CACNA2D4: variants seen among roughly 807,000 people sequenced by gnomAD.
The protein encoded by CACNA2D4 is voltage-dependent calcium channel subunit alpha-2/delta-4.
In CACNA2D4, 157 loss-of-function variants were observed where a neutral mutation model predicts 163.8. The ratio of observed to expected loss-of-function variants is 0.96; its 90% CI spans 0.84 to 1.09. CACNA2D4 has a LOEUF of 1.09. CACNA2D4 is among the 50% of genes least tolerant of loss of function. The pLI is 0.00. For synonymous variants in CACNA2D4, 598 were observed against 586.9 expected, an observed-to-expected ratio of 1.02 and a Z score of -0.27; for missense variants, 1,410 against 1,479.9, an observed-to-expected ratio of 0.95 and a Z score of 0.78.
intron 35 of CACNA2D4, among the ~76,000 whole-genome samples, chr12:1,796,459 A>G (rs1272780604): frequency 2.0e-5 from 3 of 152,232 alleles, no homozygotes; most frequent in Admixed American, 6.5e-5. Flanking sequence ...TCACTTGCCC[A>G]CGGTCATAAG....
Position 1,907,339 on chromosome 12 carries a change from C to T in CACNA2D4, c.781+101G>A, listed in dbSNP as rs1866683186. On this transcript the variant is annotated intron_variant, in intron 6 of 37. Coordinates refer to ENST00000382722, the MANE Select transcript of CACNA2D4 (RefSeq NM_172364.5). ...TGCTTTGGGATAGGAGGACCAGCCC[C>T]ATTCACTGGGGACCTGAGTGCCAGG... 1.1e-5 allele frequency: 13 copies of T among 1,135,944 alleles called. No individual in the cohort carries two copies. The South Asian group carries it at 1.8e-4, about 16-fold the overall frequency. 70.4% of individuals were successfully genotyped at this position (1,135,944 alleles called of 1,614,324 possible).
At chr12:1,849,148 G>A (rs1565709522) in intron 23 of CACNA2D4, among the ~76,000 whole-genome samples, 2 of 152,238 alleles carry the variant, frequency 1.3e-5, no homozygotes, top group Non-Finnish European at 2.9e-5. Flanking sequence ...AAAGTCCGAA[G>A]TCTGGGGCTG....
chr12:1,823,996 G>A (rs1864217139), intron 26 of CACNA2D4, among the ~76,000 whole-genome samples: 1 of 152,234 alleles, frequency 6.6e-6, no homozygotes, highest in African/African-American at 2.4e-5. Flanking sequence ...CTTTAGGTGA[G>A]TTATTTCATT....
In CACNA2D4 at chr12:1,844,426, T is replaced by C. The variant is rs1047543714; in HGVS notation, c.2446A>G (p.Asn816Asp). Reference sequence around the variant, plus strand: ...CCTGGTCCTTCTGCCCAGCGGAGGTTGAAGACGAAGCTGCCAGCAGGATGC... The same window carrying C: ...CCTGGTCCTTCTGCCCAGCGGAGGTCGAAGACGAAGCTGCCAGCAGGATGC... Reference protein sequence around the residue: ...SEHPAGSFVFNLRWAEGPESA... With the variant: ...SEHPAGSFVFDLRWAEGPESA... The change falls in exon 25 of 38, where the codon AAC becomes GAC. Residue 816 changes from asparagine to aspartate, a missense_variant. Transcript: ENST00000382722. This position sits in a 1 kb window ranked among gnomAD's most constrained non-coding sequence, Gnocchi z 4.2. 6.8e-6 allele frequency: 11 copies of C among 1,613,644 alleles called. No homozygotes were observed. The highest frequency in any genetic ancestry group is 9.3e-6 in the Non-Finnish European group (11 of 1,179,808).
rs150493861 is a variant in CACNA2D4 at position 1,797,654 on chromosome 12, G to A, written c.2996-119C>T. ...GCATTTGCAGAGGGTCCCTCCTCAG[G>A]CAGTTCTCAGGACACGCGTGGGAGG... On this transcript the variant is annotated intron_variant, in intron 34 of 37. Transcript: ENST00000382722. 1.0e-3 allele frequency: 779 copies of A among 782,694 alleles called. 4 individuals carry two copies. The African/African-American group carries it at 0.012, about 12-fold the overall frequency. The allele number at this position is 782,694 out of a possible 1,614,324, so 48.5% of individuals were successfully genotyped here.
In CACNA2D4 at chr12:1,875,845, A is replaced by C. The variant is rs1565723609; in HGVS notation, c.1720-508T>G. 6.6e-6 allele frequency among the ~76,000 whole-genome samples: 1 copy of C among 152,182 alleles called. No homozygotes were observed. The highest frequency in any genetic ancestry group is 1.5e-5 in the Non-Finnish European group (1 of 68,026). On this transcript the variant is annotated intron_variant, in intron 16 of 37. Coordinates refer to ENST00000382722, the MANE Select transcript of CACNA2D4 (RefSeq NM_172364.5). The surrounding 1 kb of genome is among the most constrained non-coding windows in gnomAD (Gnocchi z 4.0). Reference sequence around the variant, plus strand: ...CTGAATATGTTGTACTTTGTCTTCAATGTCACTCTCAAAATGGAGTTCCCA... The same window carrying C: ...CTGAATATGTTGTACTTTGTCTTCACTGTCACTCTCAAAATGGAGTTCCCA...
At chr12:1,890,222 C>T (rs1051374887) in intron 6 of CACNA2D4, among the ~76,000 whole-genome samples, 5 of 152,138 alleles carry the variant, frequency 3.3e-5, no homozygotes, top group African/African-American at 1.2e-4. Flanking sequence ...AGAGAGGGAG[C>T]TCACACTGGA....
intron 35 of CACNA2D4, among the ~76,000 whole-genome samples, chr12:1,796,437 G>C (rs1168520161): frequency 6.6e-6 from 1 of 152,232 alleles, no homozygotes; most frequent in East Asian, 1.9e-4. Flanking sequence ...ATGGAGACTA[G>C]AGGAGGCGAA....
At position 1,841,431 on chromosome 12, in the gene CACNA2D4, C is replaced by T. The variant is rs908590413; in HGVS notation, c.2471-612G>A. On this transcript the variant is annotated intron_variant, in intron 25 of 37. Coordinates refer to ENST00000382722, the MANE Select transcript of CACNA2D4 (RefSeq NM_172364.5). ...CCTGAGGCTCCTGAAGGCCACAGGG[C>T]TTGCCTCGCATTGCTCTCTCCACTT... Among the ~76,000 whole-genome samples, 5 of 152,368 alleles carry T rather than the reference C, an allele frequency of 3.3e-5. No homozygotes were observed. The East Asian group carries it at 9.6e-4, about 29-fold the overall frequency.
chr12:1,800,969 C>G, intron 31 of CACNA2D4, 74 bp downstream of exon 31: 2 of 1,395,304 alleles, frequency 1.4e-6, no homozygotes, highest in Non-Finnish European at 1.0e-6. Flanking sequence ...GAACAGGGAC[C>G]AGTGACCTCA....
chr12:1,898,522 G>A (rs1866457622), intron 6 of CACNA2D4, among the ~76,000 whole-genome samples: 1 of 152,024 alleles, frequency 6.6e-6, no homozygotes, highest in East Asian at 1.9e-4. Context: ...AAGTTGCCAT[G>A]AGATACTACC....
In CACNA2D4 at chr12:1,917,660, C is replaced by T. The variant is rs921005919; in HGVS notation, c.227+587G>A. 2.6e-5 allele frequency among the ~76,000 whole-genome samples: 4 copies of T among 152,120 alleles called. No individual in the cohort carries two copies. The highest frequency in any genetic ancestry group is 4.8e-5 in the African/African-American group (2 of 41,402). On this transcript the variant is annotated intron_variant, in intron 1 of 37. Coordinates refer to ENST00000382722, the MANE Select transcript of CACNA2D4 (RefSeq NM_172364.5). This position sits in a 1 kb window ranked among gnomAD's most constrained non-coding sequence, Gnocchi z 4.3. ...CTGATACCGGGTTCTTTCCTGGAGC[C>T]GGTCTTAATGGCCGGCTAGAGAATC...
At chr12:1,862,390 T>C (rs1350474836) in intron 18 of CACNA2D4, among the ~76,000 whole-genome samples, 1 of 152,196 alleles carries the variant, frequency 6.6e-6, no homozygotes, top group Non-Finnish European at 1.5e-5. Context: ...TTATTAGTCT[T>C]TTAAATTTTA....
intron 31 of CACNA2D4, chr12:1,800,783 GCTCT>G (rs1457882019): frequency 2.2e-5 from 13 of 593,526 alleles, no homozygotes; most frequent in Non-Finnish European, 3.3e-5. Flanking sequence ...GGGGCAGGCT[GCTCT>G]CTCTGTCTCC....
In CACNA2D4 at chr12:1,843,175, G is replaced by GGA. The variant is rs1865067816; in HGVS notation, c.2470+1225_2470+1226dup. 6.6e-6 allele frequency among the ~76,000 whole-genome samples: 1 copy of GGA among 152,214 alleles called. No individual in the cohort carries two copies. Among genetic ancestry groups the GGA allele is most frequent in the South Asian group, 2.1e-4 (1 of 4,828 alleles). On this transcript the variant is annotated intron_variant, in intron 25 of 37. Transcript: ENST00000382722. The surrounding 1 kb of genome is among the most constrained non-coding windows in gnomAD (Gnocchi z 4.6). Reference sequence around the variant, plus strand: ...GTGTGTGGAGGGAACAGCACAGGTGGGAGTAGGGGCATAGCACCAGGTGAG... The same window carrying GGA: ...GTGTGTGGAGGGAACAGCACAGGTGGGAGAGTAGGGGCATAGCACCAGGTGAG...
At chr12:1,814,517 A>G (rs922787817) in intron 26 of CACNA2D4, among the ~76,000 whole-genome samples, 2 of 152,220 alleles carry the variant, frequency 1.3e-5, no homozygotes, top group Non-Finnish European at 1.5e-5. Context: ...TCGACCCAAG[A>G]AGTCCAGCTG....
Position 1,878,381 on chromosome 12 carries a change from C to T in CACNA2D4, c.1653G>A (p.Val551=). The change falls in exon 16 of 38, where the codon GTG becomes GTA. Residue 551 remains valine (V), a synonymous_variant. Transcript: ENST00000382722. The surrounding 1 kb of genome is among the most constrained non-coding windows in gnomAD (Gnocchi z 4.6). The part of the protein sequence containing the change: ...MKLAPRYKLG[V]HGYAFLNTNN... ...TGGTGTTCAGAAAGGCGTATCCGTG[C>T]ACTCCAAGCTGCCAGAGTCCAGGGT... is the stretch of plus-strand genomic sequence containing the variant. 6.2e-7 allele frequency: 1 copy of T among 1,603,416 alleles called. No homozygotes were observed. Among genetic ancestry groups the T allele is most frequent in the South Asian group, 1.1e-5 (1 of 88,608 alleles).
intron 25 of CACNA2D4, among the ~76,000 whole-genome samples, 197 bp from the exon 26 acceptor site, chr12:1,841,016 A>C (rs969686076): frequency 1.3e-5 from 2 of 152,242 alleles, no homozygotes; most frequent in African/African-American, 2.4e-5. Flanking sequence ...GGTCTTGGAC[A>C]GACACACACA....
chr12:1,856,274 T>C (rs1332631528), intron 20 of CACNA2D4, 45 bp from the exon 21 acceptor site: 2 of 1,602,824 alleles, frequency 1.2e-6, no homozygotes, highest in South Asian at 1.1e-5. Flanking sequence ...CTCACTGCCA[T>C]GAGGGTGTGT....
Sources: allele counts gnomAD v4.1 joint callset (sites outside exome capture counted in the v4.1 genomes callset), GRCh38; gene constraint gnomAD v4.1.1; non-coding constraint Gnocchi (gnomAD v3.1); transcripts MANE v1.5; gene names NCBI Gene and HGNC (gene_info 2026-07-23, HGNC 2026-07-21).